Variants in PSD observed in about 807,000 individuals in gnomAD.
The protein encoded by PSD is PH and SEC7 domain-containing protein 1.
PSD carries 32 observed loss-of-function variants against 91.6 expected under a neutral mutation model. The ratio of observed to expected loss-of-function variants is 0.35; its 90% CI spans 0.26 to 0.47. The LOEUF (loss-of-function observed/expected upper bound fraction) is 0.47. Among genes scored for constraint, PSD ranks in the 20% least tolerant of loss-of-function variants. The pLI is 1.00. For synonymous variants in PSD, 532 were observed against 569.3 expected (o/e 0.93, Z 0.93); for missense variants, 1,099 against 1,373.9 (o/e 0.80, Z 3.16).
At chr10:102,411,677 A>G (rs2061426179) in intron 8 of PSD, 30 bp downstream of exon 8, 2 of 1,574,758 alleles carry the variant, frequency 1.3e-6, no homozygotes, top group African/African-American at 1.4e-5. Context: ...GTGGCCAGCT[A>G]AGGACACCCC....
Position 102,405,060 on chromosome 10 carries a change from A to G in PSD, c.2398-5T>C. ...CTTCCCAGGCTTGTACTCCTCCTGC[A>G]GGGGTGTCCATCTTGTCCTGGCCCC... On this transcript the variant is annotated splice_polypyrimidine_tract_variant and splice_region_variant and intron_variant, in intron 13 of 16. Coordinates refer to ENST00000020673, the MANE Select transcript of PSD (RefSeq NM_002779.5). The surrounding 1 kb of genome is among the most constrained non-coding windows in gnomAD (Gnocchi z 5.4). 1 of 1,613,746 alleles carries G rather than the reference A, an allele frequency of 6.2e-7. No individual in the cohort carries two copies. Among genetic ancestry groups the G allele is most frequent in the South Asian group, 1.1e-5 (1 of 91,064 alleles).
At position 102,404,490 on chromosome 10, in the gene PSD, TCTC is replaced by T; in HGVS notation, c.2700+90_2700+92del. ...GGCCAGCATCCTGGTGCAGGGGACA[TCTC>T]CACGATCACACGCAGCAGCCTTGAG... On this transcript the variant is annotated intron_variant, in intron 15 of 16. Transcript: ENST00000020673. The surrounding 1 kb of genome is among the most constrained non-coding windows in gnomAD (Gnocchi z 5.7). 2.1e-6 allele frequency: 3 copies of T among 1,461,508 alleles called. No individual in the cohort carries two copies. In the South Asian group the frequency reaches 4.0e-5, roughly 19 times the overall value. 90.5% of individuals were successfully genotyped at this position (1,461,508 alleles called of 1,614,324 possible).
chr10:102,410,586 G>A lies in PSD; in HGVS notation c.2091+272C>T, dbSNP rs1174143002. ...GGAACTGAAGGCAAACGCAGGGGCCGGGGCCGCCTGCTCGCGTTTTCCAGA... is the reference window on the plus strand; with the variant it reads ...GGAACTGAAGGCAAACGCAGGGGCCAGGGCCGCCTGCTCGCGTTTTCCAGA... On this transcript the variant is annotated intron_variant, in intron 10 of 16. Transcript: ENST00000020673. The surrounding 1 kb of genome is among the most constrained non-coding windows in gnomAD (Gnocchi z 6.0). Among the ~76,000 whole-genome samples, 1 of 152,204 alleles carries A rather than the reference G, an allele frequency of 6.6e-6. No homozygotes were observed. The highest frequency in any genetic ancestry group is 2.1e-4 in the South Asian group (1 of 4,838).
In PSD at chr10:102,409,030, G is replaced by A. The variant is rs1237554742; in HGVS notation, c.2092-1764C>T. 4 of 986,680 alleles carry A rather than the reference G, an allele frequency of 4.1e-6. No individual in the cohort carries two copies. In the African/African-American group the frequency reaches 5.2e-5, roughly 13 times the overall value. 61.1% of individuals were successfully genotyped at this position (986,680 alleles called of 1,614,324 possible). ...CGCGGTGGGTGCGCCCGTAGCGCAC[G>A]GAGCACAGCGAGCGCGAGCGCAGCC... On this transcript the variant is annotated intron_variant, in intron 10 of 16. Coordinates refer to ENST00000020673, the MANE Select transcript of PSD (RefSeq NM_002779.5). The surrounding 1 kb of genome is among the most constrained non-coding windows in gnomAD (Gnocchi z 5.7).
Position 102,416,703 on chromosome 10 carries a change from C to A in PSD, c.336G>T (p.Arg112Ser). ...IFRFVEKASV[R>S]PLNGLPAPGG... ...CTGGAGCAGGTAGCCCATTCAGTGGCCTCACACTGGCCTTCTCCACAAAGC... is the reference window on the plus strand; with the variant it reads ...CTGGAGCAGGTAGCCCATTCAGTGGACTCACACTGGCCTTCTCCACAAAGC... The change falls in exon 2 of 17, where the codon AGG becomes AGT. Residue 112 changes from arginine (R) to serine (S), a missense_variant. By Grantham distance (110) the Arg-to-Ser change is moderately radical (BLOSUM62 -1). This residue lies in a region of PSD where 631 missense variants were observed against 728.8 expected (regional missense o/e 0.87). Transcript: ENST00000020673. The surrounding 1 kb of genome is among the most constrained non-coding windows in gnomAD (Gnocchi z 6.0). The A allele has an allele frequency of 6.2e-7, 1 of 1,603,986 alleles. No individual in the cohort carries two copies. Among genetic ancestry groups the A allele is most frequent in the Non-Finnish European group, 8.5e-7 (1 of 1,175,440 alleles).
rs1292186889 is a variant in PSD at position 102,409,788 on chromosome 10, T to C, written c.2091+1070A>G. Among the ~76,000 whole-genome samples, 7 of 152,024 alleles carry C rather than the reference T, an allele frequency of 4.6e-5. No individual in the cohort carries two copies. The highest frequency in any genetic ancestry group is 1.5e-5 in the Non-Finnish European group (1 of 68,008). On this transcript the variant is annotated intron_variant, in intron 10 of 16. Transcript: ENST00000020673. This position sits in a 1 kb window ranked among gnomAD's most constrained non-coding sequence, Gnocchi z 5.7. ...CAGATGGACACTTCAAAACTTAGAA[T>C]CTTTAGCTCACAAAGATACACCCCC...
rs1456478988 is a variant in PSD at position 102,403,773 on chromosome 10, T to TA, written c.2844+68dup. ...AAGGACCTCCGGCCGGTTCCACTGT[T>TA]AGAGTTCATGCCCTTCACCCTAGTA... On this transcript the variant is annotated intron_variant, in intron 16 of 16. Transcript: ENST00000020673. The surrounding 1 kb of genome is among the most constrained non-coding windows in gnomAD (Gnocchi z 6.7). The TA allele has an allele frequency of 7.8e-6, 12 of 1,536,316 alleles. No homozygotes were observed. Among genetic ancestry groups the TA allele is most frequent in the South Asian group, 3.7e-5 (3 of 81,162 alleles).
chr10:102,405,585 C>A lies in PSD; in HGVS notation c.2136-49G>T. 1 of 1,552,800 alleles carries A rather than the reference C, an allele frequency of 6.4e-7. No homozygotes were observed. The highest frequency in any genetic ancestry group is 2.3e-5 in the East Asian group (1 of 43,460). On this transcript the variant is annotated intron_variant, in intron 11 of 16. Transcript: ENST00000020673. The surrounding 1 kb of genome is among the most constrained non-coding windows in gnomAD (Gnocchi z 5.4). ...GGGGCTGGCCATGGAGCCGCGGCCC[C>A]CGCTTCAGTTCTGGCCTCTGCTCGC...
Position 102,404,112 on chromosome 10 carries a change from G to T in PSD, c.2701-127C>A, listed in dbSNP as rs552551882. 132 of 1,160,216 alleles carry T rather than the reference G, an allele frequency of 1.1e-4. No homozygotes were observed. In the African/African-American group the frequency reaches 1.9e-3, roughly 17 times the overall value. 71.9% of individuals were successfully genotyped at this position (1,160,216 alleles called of 1,614,324 possible). A position where few individuals can be genotyped will look rare whatever the true frequency, so the allele number is the denominator to read the frequency against. On this transcript the variant is annotated intron_variant, in intron 15 of 16. Coordinates refer to ENST00000020673, the MANE Select transcript of PSD (RefSeq NM_002779.5). The surrounding 1 kb of genome is among the most constrained non-coding windows in gnomAD (Gnocchi z 5.7). ...GCCTGTAATCCCAGCACTTTGGGAG[G>T]CCAAGGCGGGCGGATCACGAGGTCA...
At chr10:102,412,906 T>G (rs1469356433) in intron 5 of PSD, among the ~76,000 whole-genome samples, 2 of 152,152 alleles carry the variant, frequency 1.3e-5, no homozygotes, top group Non-Finnish European at 1.5e-5. Flanking sequence ...CAGAACATAG[T>G]CCTTTGTCTC....
At position 102,412,481 on chromosome 10, in the gene PSD, C is replaced by T; in HGVS notation, c.1648G>A (p.Gly550Arg). 6.2e-7 allele frequency: 1 copy of T among 1,614,118 alleles called. No individual in the cohort carries two copies. The highest frequency in any genetic ancestry group is 8.5e-7 in the Non-Finnish European group (1 of 1,180,042). Residue 550 changes from glycine (G) to arginine (R), a missense_variant, in exon 6 of 17, where the codon GGG (glycine) becomes AGG (arginine). Gly to Arg is a moderately radical substitution (Grantham distance 125). Around this residue, in one of 3 missense-constraint regions of PSD, gnomAD observed 110 missense variants for 218.7 expected, o/e 0.50. Coordinates refer to ENST00000020673, the MANE Select transcript of PSD (RefSeq NM_002779.5). ...ALGSTDTLSN[G>R]QKADLEAAQR... ...GCAGCCTCCAGGTCCGCTTTCTGCCCATTGGACAAGGTGTCTGTGCTTCCC... is the reference window on the plus strand; with the variant it reads ...GCAGCCTCCAGGTCCGCTTTCTGCCTATTGGACAAGGTGTCTGTGCTTCCC...
At chr10:102,412,010 T>C (rs2061430280) in intron 7 of PSD, 137 bp downstream of exon 7, 1 of 1,109,758 alleles carries the variant, frequency 9.0e-7, no homozygotes, top group Admixed American at 1.7e-5. Flanking sequence ...GCTCTGGCCC[T>C]TGGCCATGCC....
In PSD at chr10:102,403,241, C is replaced by CT. The variant is rs1267341308; in HGVS notation, c.3033dup (p.Glu1012ArgfsTer16). ...CCACTGCCTGCCCCTGGCCGAGGCT[C>CT]TGAGCTGTGACGCTGAGCCCGGGGC... On this transcript the variant is annotated frameshift_variant, in exon 17 of 17. Coordinates refer to ENST00000020673, the MANE Select transcript of PSD (RefSeq NM_002779.5). LOFTEE classifies it high-confidence loss of function. This position sits in a 1 kb window ranked among gnomAD's most constrained non-coding sequence, Gnocchi z 6.7. 1.2e-6 allele frequency: 2 copies of CT among 1,601,944 alleles called. No individual in the cohort carries two copies. The highest frequency in any genetic ancestry group is 2.7e-5 in the African/African-American group (2 of 74,722).
rs1391647191 is a variant in PSD, at chr10:102,409,193, C to G, written c.2091+1665G>C. On this transcript the variant is annotated intron_variant, in intron 10 of 16. Transcript: ENST00000020673. This position sits in a 1 kb window ranked among gnomAD's most constrained non-coding sequence, Gnocchi z 5.7. ...CGCGGACCGCTCCCCCGACAGCCAG[C>G]GCGAGCGGCGCGGCCCGGCCCGAGC... 3.1e-6 allele frequency: 3 copies of G among 981,740 alleles called. No individual in the cohort carries two copies. The East Asian group carries it at 3.4e-4, about 112-fold the overall frequency. The allele number at this position is 981,740 out of a possible 1,614,324, so 60.8% of individuals were successfully genotyped here.
rs537366056 is a variant in PSD at position 102,414,069 on chromosome 10, G to A, written c.1253C>T (p.Thr418Ile). ...CAGCGAGGCGAGGCTGGTATAGGAG[G>A]TGCCTTTGGCCCGGTGTGACTCCAG... Reference protein sequence around the residue: ...AILESHRAKGTSYTSLASLEA... With the variant: ...AILESHRAKGISYTSLASLEA... Residue 418 changes from threonine to isoleucine, a missense_variant, in exon 5 of 17, where the codon ACC becomes ATC. By Grantham distance (89) the Thr-to-Ile change is moderately conservative. This residue lies in a region of PSD where 631 missense variants were observed against 728.8 expected (regional missense o/e 0.87). Transcript: ENST00000020673. The surrounding 1 kb of genome is among the most constrained non-coding windows in gnomAD (Gnocchi z 5.6). 1.9e-6 allele frequency: 3 copies of A among 1,614,138 alleles called. No individual in the cohort carries two copies. Among genetic ancestry groups the A allele is most frequent in the East Asian group, 2.2e-5 (1 of 44,884 alleles).
rs1344873231 is a variant in PSD, at chr10:102,409,346, C to T, written c.2091+1512G>A. On this transcript the variant is annotated intron_variant, in intron 10 of 16. Transcript: ENST00000020673. This position sits in a 1 kb window ranked among gnomAD's most constrained non-coding sequence, Gnocchi z 5.7. ...GGGCGAGGGCTGGGGGCGGGGACCGCATGAAATGGAGGCGCCCGATCGCGA... is the reference window on the plus strand; with the variant it reads ...GGGCGAGGGCTGGGGGCGGGGACCGTATGAAATGGAGGCGCCCGATCGCGA... 1 of 985,198 alleles carries T rather than the reference C, an allele frequency of 1.0e-6. No individual in the cohort carries two copies. Among genetic ancestry groups the T allele is most frequent in the Non-Finnish European group, 1.2e-6 (1 of 829,770 alleles). 61.0% of individuals were successfully genotyped at this position (985,198 alleles called of 1,614,324 possible).
chr10:102,409,279 C>T lies in PSD; in HGVS notation c.2091+1579G>A, dbSNP rs2061400616. The T allele has an allele frequency of 1.0e-6, 1 of 985,512 alleles. No individual in the cohort carries two copies. The highest frequency in any genetic ancestry group is 1.2e-6 in the Non-Finnish European group (1 of 829,748). The allele number at this position is 985,512 out of a possible 1,614,324, so 61.0% of individuals were successfully genotyped here. ...GGCGGCGGCGGCGCTGTCTGCTCTG[C>T]GGCTTGGCTAGAGCGGGAGGGGGGC... On this transcript the variant is annotated intron_variant, in intron 10 of 16. Coordinates refer to ENST00000020673, the MANE Select transcript of PSD (RefSeq NM_002779.5). This position sits in a 1 kb window ranked among gnomAD's most constrained non-coding sequence, Gnocchi z 5.7.
intron 11 of PSD, among the ~76,000 whole-genome samples, chr10:102,406,363 G>A (rs1253777022): frequency 6.6e-6 from 1 of 152,134 alleles, no homozygotes; most frequent in African/African-American, 2.4e-5. Context: ...AGTGGATAAC[G>A]GCAAATTTGA....
In PSD at chr10:102,416,514, A is replaced by C. The variant is rs1459455192; in HGVS notation, c.525T>G (p.His175Gln). Residue 175 changes from histidine (H) to glutamine (Q), a missense_variant, in exon 2 of 17, where the codon CAT (histidine) becomes CAG (glutamine). Physicochemically the swap from His to Gln is conservative, Grantham distance 24 (BLOSUM62 0). Transcript: ENST00000020673. The surrounding 1 kb of genome is among the most constrained non-coding windows in gnomAD (Gnocchi z 6.0). Reference sequence around the variant, plus strand: ...CAACCTGGGGTGGGGCTGGCGGCCCATGTACAAGGTTCCGGCTGCCAGGTA... The same window carrying C: ...CAACCTGGGGTGGGGCTGGCGGCCCCTGTACAAGGTTCCGGCTGCCAGGTA... ...SALPGSRNLV[H>Q]GPPAPPQVGA... 3 of 1,612,500 alleles carry C rather than the reference A, an allele frequency of 1.9e-6. No individual in the cohort carries two copies. Among genetic ancestry groups the C allele is most frequent in the Non-Finnish European group, 2.5e-6 (3 of 1,179,410 alleles).
Sources: gnomAD v4.1 joint callset for allele counts (sites outside exome capture counted in the v4.1 genomes callset) on GRCh38, gnomAD v4.1.1 for gene constraint, gnomAD v4.1.1 regional missense constraint, Gnocchi (gnomAD v3.1) non-coding constraint, MANE v1.5 for transcripts, NCBI Gene and HGNC (gene_info 2026-07-23, HGNC 2026-07-21) for gene names.